The following PPFIBP2 variants were observed in gnomAD, a reference collection of about 807,000 sequenced individuals.
PPFIBP2 encodes liprin-beta-2.
Under a neutral mutation model 118.3 loss-of-function variants are expected in PPFIBP2, and 118 were observed. The observed-to-expected ratio is 1.00, with a 90% CI of 0.86 to 1.16. PPFIBP2 has a LOEUF of 1.16. Among genes scored for constraint, PPFIBP2 ranks in the 50% most tolerant of loss-of-function variants. PPFIBP2 has a pLI of 0.00. For missense variants in PPFIBP2, 1,195 were observed against 1,073.1 expected (o/e 1.11, Z -1.59); for synonymous variants, 414 against 397.4 (o/e 1.04, Z -0.50).
Position 7,648,863 on chromosome 11 carries a change from AC to A in PPFIBP2, c.1863del (p.Lys622AsnfsTer9). On this transcript the variant is annotated frameshift_variant, in exon 19 of 24. Transcript: ENST00000299492. LOFTEE classifies it high-confidence loss of function. Reference protein sequence around the residue: ...KLVLAVKAINTKQEEKSALLD... With the variant: ...KLVLAVKAINXKQEEKSALLD... ...TGTTTTAGCAGTGAAAGCCATCAAC[AC>A]CAAACAGGAGGAGAAGTCTGCACTG... 1 of 1,614,150 alleles carries A rather than the reference AC, an allele frequency of 6.2e-7. No individual in the cohort carries two copies. Among genetic ancestry groups the A allele is most frequent in the East Asian group, 2.2e-5 (1 of 44,890 alleles).
At chr11:7,639,358 A>G (rs1202980035) in intron 14 of PPFIBP2, among the ~76,000 whole-genome samples, 1 of 152,220 alleles carries the variant, frequency 6.6e-6, no homozygotes, top group Non-Finnish European at 1.5e-5. Context: ...TTTTATTAGA[A>G]TGCCAATTTT....
intron 5 of PPFIBP2, among the ~76,000 whole-genome samples, chr11:7,600,904 G>T (rs1861308021): frequency 6.6e-6 from 1 of 152,230 alleles, no homozygotes; most frequent in African/African-American, 2.4e-5. Flanking sequence ...TTAAAATGCT[G>T]TGTGAATCAT....
chr11:7,527,306 T>G (rs1052696418), intron 1 of PPFIBP2, among the ~76,000 whole-genome samples: 2 of 151,822 alleles, frequency 1.3e-5, no homozygotes, highest in African/African-American at 2.4e-5. Flanking sequence ...CAGTGTGATA[T>G]CTTGGTCTGG....
chr11:7,549,873 T>G (rs1590202129), intron 2 of PPFIBP2, among the ~76,000 whole-genome samples: 1 of 152,266 alleles, frequency 6.6e-6, no homozygotes, highest in South Asian at 2.1e-4. Context: ...CATGGCTTAT[T>G]ATAGCTGATC....
At position 7,597,606 on chromosome 11, in the gene PPFIBP2, G is replaced by T. The variant is rs142338414; in HGVS notation, c.419G>T (p.Arg140Leu). ...GTAGAAGCCCAGGGAGAAAAGATTC[G>T]AGACCTGGAAGTGTGTCTGGAAGGA... Reference protein sequence around the residue: ...DQVEAQGEKIRDLEVCLEGHQ... With the variant: ...DQVEAQGEKILDLEVCLEGHQ... The change falls in exon 5 of 24, where the codon CGA (arginine) becomes CTA (leucine). Residue 140 changes from arginine (R) to leucine (L), a missense_variant. Arg to Leu is a moderately radical substitution (Grantham distance 102). Coordinates refer to ENST00000299492, the MANE Select transcript of PPFIBP2 (RefSeq NM_003621.5). 11 of 1,613,908 alleles carry T rather than the reference G, an allele frequency of 6.8e-6. No individual in the cohort carries two copies. The highest frequency in any genetic ancestry group is 5.1e-6 in the Non-Finnish European group (6 of 1,180,014).
rs531081645 is a variant in PPFIBP2, at chr11:7,618,982, A to C, written c.619-1953A>C. ...TTAAAAAATGACCCTACAAAATTCA[A>C]GGGTAAGCAATGTCAACTTTGTGGT... On this transcript the variant is annotated intron_variant, in intron 6 of 23. Coordinates refer to ENST00000299492, the MANE Select transcript of PPFIBP2 (RefSeq NM_003621.5). 3.3e-5 allele frequency among the ~76,000 whole-genome samples: 5 copies of C among 151,608 alleles called. No homozygotes were observed. In the South Asian group the frequency reaches 1.0e-3, roughly 32 times the overall value.
chr11:7,529,049 C>G (rs1159868271), intron 1 of PPFIBP2, among the ~76,000 whole-genome samples: 1 of 151,984 alleles, frequency 6.6e-6, no homozygotes, highest in Non-Finnish European at 1.5e-5. Flanking sequence ...TTGAGACCAC[C>G]TGCGAGGCAA....
chr11:7,628,447 C>T, intron 9 of PPFIBP2, 101 bp downstream of exon 9: 1 of 1,099,782 alleles, frequency 9.1e-7, no homozygotes, highest in Non-Finnish European at 1.3e-6. Context: ...CCATGCTTAT[C>T]ATGCCATTGA....
chr11:7,636,561 C>T lies in PPFIBP2; in HGVS notation c.1236+968C>T, dbSNP rs974994276. On this transcript the variant is annotated intron_variant, in intron 14 of 23. Coordinates refer to ENST00000299492, the MANE Select transcript of PPFIBP2 (RefSeq NM_003621.5). ...CTTCCTATGGCGTCAGCTGTTAAAT[C>T]GCTCAGCAGTCCCCCCTCCCACCTC... is the stretch of plus-strand genomic sequence containing the variant. 3.3e-5 allele frequency among the ~76,000 whole-genome samples: 5 copies of T among 152,194 alleles called. No homozygotes were observed. In the East Asian group the frequency reaches 5.8e-4, roughly 18 times the overall value.
chr11:7,522,822 TCTTATA>T (rs373468814), intron 1 of PPFIBP2, among the ~76,000 whole-genome samples: 2 of 152,310 alleles, frequency 1.3e-5, no homozygotes, highest in Non-Finnish European at 2.9e-5. Flanking sequence ...GTATCAGCGC[TCTTATA>T]CTTATTATGC....
chr11:7,569,046 T>C (rs7942861), intron 3 of PPFIBP2: 84,397 of 152,080 alleles, frequency 0.55, 25,484 homozygotes, highest in African/African-American at 0.81. Context: ...CTGTGGTCCA[T>C]CAGAAGAATG....
At chr11:7,597,350 C>A (rs1382234130) in intron 4 of PPFIBP2, 1 of 1,535,738 alleles carries the variant, frequency 6.5e-7, no homozygotes, top group African/African-American at 1.4e-5. Flanking sequence ...GTCATCAGAG[C>A]AGTGGCCGAG....
At chr11:7,638,502 C>G (rs1260956282) in intron 14 of PPFIBP2, among the ~76,000 whole-genome samples, 1 of 152,182 alleles carries the variant, frequency 6.6e-6, no homozygotes, top group Non-Finnish European at 1.5e-5. Context: ...CAAACAATTT[C>G]TAGGACATAT....
chr11:7,562,970 T>TACACACAC (rs1485132552), intron 2 of PPFIBP2, among the ~76,000 whole-genome samples: 2 of 98,868 alleles, frequency 2.0e-5, no homozygotes, highest in African/African-American at 7.6e-5. Flanking sequence ...TATATATATA[T>TACACACAC]ATATATACAC....
At chr11:7,649,281 C>A in intron 20 of PPFIBP2, 46 bp downstream of exon 20, 1 of 1,479,492 alleles carries the variant, frequency 6.8e-7, no homozygotes, top group Non-Finnish European at 9.4e-7. Context: ...TGTGAGCACT[C>A]AGCTCACGTG....
chr11:7,573,668 A>T (rs1855919090), intron 3 of PPFIBP2, among the ~76,000 whole-genome samples: 1 of 152,206 alleles, frequency 6.6e-6, no homozygotes, highest in South Asian at 2.1e-4. Flanking sequence ...TGCAGTGGCC[A>T]GGACTTCCTC....
At chr11:7,628,766 C>T (rs755110968) in intron 9 of PPFIBP2, among the ~76,000 whole-genome samples, 28 of 152,308 alleles carry the variant, frequency 1.8e-4, no homozygotes, top group Middle Eastern at 6.8e-3. Flanking sequence ...TTATATCCTT[C>T]GCATCTAATT....
intron 1 of PPFIBP2, among the ~76,000 whole-genome samples, chr11:7,516,942 G>C (rs1050063173): frequency 1.3e-4 from 20 of 152,062 alleles, no homozygotes; most frequent in Non-Finnish European, 2.2e-4. Flanking sequence ...AAGGGAAAAG[G>C]GGTGACTTTC....
At position 7,593,167 on chromosome 11, in the gene PPFIBP2, A is replaced by C. The variant is rs1859651927; in HGVS notation, c.315A>C (p.Glu105Asp). 5.6e-6 allele frequency: 9 copies of C among 1,614,048 alleles called. No individual in the cohort carries two copies. Among genetic ancestry groups the C allele is most frequent in the Non-Finnish European group, 7.6e-6 (9 of 1,179,968 alleles). Residue 105 changes from glutamate (E) to aspartate (D), a missense_variant, in exon 4 of 24, where the codon GAA becomes GAC. Physicochemically the swap from Glu to Asp is conservative, Grantham distance 45 (BLOSUM62 2). Transcript: ENST00000299492. Reference sequence around the variant, plus strand: ...ACCACCACAGTGCTGCTAGTAATGAAACCTACCAGGAACGCTTGGCACGTC... The same window carrying C: ...ACCACCACAGTGCTGCTAGTAATGACACCTACCAGGAACGCTTGGCACGTC... ...QVNHHSAASN[E>D]TYQERLARLE... is the part of the protein sequence containing the mutation.
Sources: gnomAD v4.1 joint callset for allele counts (sites outside exome capture counted in the v4.1 genomes callset) on GRCh38, gnomAD v4.1.1 for gene constraint, MANE v1.5 for transcripts, NCBI Gene and HGNC (gene_info 2026-07-23, HGNC 2026-07-21) for gene names.